The following PTPRN2 variants were observed in gnomAD, a reference collection of about 807,000 sequenced individuals.
The protein encoded by PTPRN2 is receptor-type tyrosine-protein phosphatase N2.
A neutral mutation model predicts 118.8 loss-of-function variants in PTPRN2; 74 were observed. The ratio of observed to expected loss-of-function variants is 0.62; its 90% CI spans 0.52 to 0.76. The LOEUF (loss-of-function observed/expected upper bound fraction) is 0.76. Among genes scored for constraint, PTPRN2 ranks in the 30% least tolerant of loss-of-function variants. The probability of loss-of-function intolerance (pLI) is 0.00; values close to 1 mark genes in which losing one functional copy is unlikely to be tolerated. For synonymous variants in PTPRN2, 641 were observed against 608.0 expected (o/e 1.05, Z -0.80); for missense variants, 1,481 against 1,394.4 (o/e 1.06, Z -0.99).
rs113374347 is a variant in PTPRN2 at position 157,786,570 on chromosome 7, T to C, written c.1789-103633A>G. Among the ~76,000 whole-genome samples, 279 of 152,238 alleles carry C rather than the reference T, an allele frequency of 1.8e-3. 4 individuals are homozygous for C. Among genetic ancestry groups the C allele is most frequent in the African/African-American group, 6.6e-3 (273 of 41,546 alleles). On this transcript the variant is annotated intron_variant, in intron 12 of 22. Transcript: ENST00000389418. Reference sequence around the variant, plus strand: ...AGAGTGGCTGTCCCCAGGTAGTTGGTGACGGGGTGAGGACCGGGCTCGCTC... The same window carrying C: ...AGAGTGGCTGTCCCCAGGTAGTTGGCGACGGGGTGAGGACCGGGCTCGCTC...
chr7:157,876,406 A>G (rs113518896), intron 12 of PTPRN2, among the ~76,000 whole-genome samples: 2,371 of 152,278 alleles, frequency 0.016, 36 homozygotes, highest in Admixed American at 0.036. Context: ...TGGAGACAGG[A>G]TGGGTGGCTG....
At chr7:157,844,079 C>T (rs913019116) in intron 12 of PTPRN2, among the ~76,000 whole-genome samples, 2 of 151,010 alleles carry the variant, frequency 1.3e-5, no homozygotes, top group East Asian at 1.9e-4. Context: ...CCCTCCACGT[C>T]GTGGATGTGG....
chr7:158,342,900 T>C (rs62493651), intron 2 of PTPRN2, among the ~76,000 whole-genome samples: 43,171 of 151,538 alleles, frequency 0.28, 6,735 homozygotes, highest in African/African-American at 0.39. Context: ...ATTAAGTCCT[T>C]AGGGGCTTCA....
chr7:157,595,248 T>G lies in PTPRN2; in HGVS notation c.2486A>C (p.Asp829Ala), dbSNP rs1251397011. ...TTTAAAAATGTTCACCTGCCAAAAG[T>G]CAGCCACGGTGGCGGGCAGCGGTCC... ...TQGPLPATVA[D>A]FWQMVWESGC... The change falls in exon 17 of 23, where the codon GAC becomes GCC. Residue 829 changes from aspartate (D) to alanine (A), a missense_variant. Around this residue, in one of 3 missense-constraint regions of PTPRN2, gnomAD observed 362 missense variants for 384.1 expected, o/e 0.94. Transcript: ENST00000389418. 2 of 1,614,206 alleles carry G rather than the reference T, an allele frequency of 1.2e-6. No homozygotes were observed. Among genetic ancestry groups the G allele is most frequent in the Non-Finnish European group, 1.7e-6 (2 of 1,180,036 alleles).
intron 1 of PTPRN2, among the ~76,000 whole-genome samples, chr7:158,505,608 C>A (rs530802687): frequency 1.3e-5 from 2 of 152,150 alleles, no homozygotes; most frequent in Non-Finnish European, 2.9e-5. Context: ...TGTATTTCTG[C>A]CTCTGCCTTT....
At chr7:158,132,144 C>A (rs1485429698) in intron 9 of PTPRN2, among the ~76,000 whole-genome samples, 2 of 148,464 alleles carry the variant, frequency 1.3e-5, no homozygotes, top group Non-Finnish European at 3.0e-5. Context: ...CACACACGTA[C>A]ATACACAGAT....
At chr7:158,270,832 ATG>A (rs1798343820) in intron 3 of PTPRN2, among the ~76,000 whole-genome samples, 1 of 5,170 alleles carries the variant, frequency 1.9e-4, no homozygotes, top group Non-Finnish European at 3.6e-4. Context: ...CTCCACCTGG[ATG>A]ACCCCCTCAC....
chr7:158,212,393 T>C (rs1230850772), intron 3 of PTPRN2, among the ~76,000 whole-genome samples: 1 of 152,202 alleles, frequency 6.6e-6, no homozygotes, highest in African/African-American at 2.4e-5. Flanking sequence ...ACTGGATTAT[T>C]TGTAACACAA....
intron 2 of PTPRN2, among the ~76,000 whole-genome samples, chr7:158,401,570 G>A (rs1320424906): frequency 6.6e-6 from 1 of 152,260 alleles, no homozygotes; most frequent in Non-Finnish European, 1.5e-5. Flanking sequence ...TGGTTGCCAT[G>A]ACACACTGGG....
chr7:157,586,860 C>T lies in PTPRN2; in HGVS notation c.2496+8378G>A, dbSNP rs190001433. Among the ~76,000 whole-genome samples the T allele has an allele frequency of 7.1e-4, 108 of 152,338 alleles. 1 individual carries two copies. The highest frequency in any genetic ancestry group is 6.3e-3 in the Admixed American group (97 of 15,304). ...AGTAGCTGGGGGCCGTGAACCAGCT[C>T]GGGCTGAGCGGATGCCATCTTTGGA... On this transcript the variant is annotated intron_variant, in intron 17 of 22. Coordinates refer to ENST00000389418, the MANE Select transcript of PTPRN2 (RefSeq NM_002847.5).
At chr7:158,409,353 G>A (rs57215204) in intron 2 of PTPRN2, among the ~76,000 whole-genome samples, 4,661 of 152,324 alleles carry the variant, frequency 0.031, 87 homozygotes, top group Middle Eastern at 0.082. Flanking sequence ...TGGGGAGGTG[G>A]GCAGTCCTCA....
At chr7:158,042,985 G>A (rs1279643588) in intron 11 of PTPRN2, among the ~76,000 whole-genome samples, 2 of 152,160 alleles carry the variant, frequency 1.3e-5, no homozygotes, top group Non-Finnish European at 2.9e-5. Context: ...GAATCCTTCA[G>A]TGTGCAACGC....
At chr7:158,406,069 TCCCGCAG>T (rs1813399846) in intron 2 of PTPRN2, among the ~76,000 whole-genome samples, 3 of 106,588 alleles carry the variant, frequency 2.8e-5, no homozygotes, top group Non-Finnish European at 5.7e-5. Flanking sequence ...CACACTGAGA[TCCCGCAG>T]TGGCTCATCC....
chr7:158,038,851 A>T (rs1302945495), intron 11 of PTPRN2, among the ~76,000 whole-genome samples: 1 of 151,534 alleles, frequency 6.6e-6, no homozygotes, highest in Admixed American at 6.6e-5. Context: ...TAAAATAACA[A>T]AAAAAAACAC....
chr7:158,201,510 T>C (rs1585831484), intron 4 of PTPRN2, among the ~76,000 whole-genome samples: 1 of 152,336 alleles, frequency 6.6e-6, no homozygotes, highest in East Asian at 1.9e-4. Flanking sequence ...GCAAAGTCTC[T>C]TGTGGGAAAA....
In PTPRN2 at chr7:157,627,053, C is replaced by A. The variant is rs1016513267; in HGVS notation, c.2197-5544G>T. Among the ~76,000 whole-genome samples, 4 of 152,226 alleles carry A rather than the reference C, an allele frequency of 2.6e-5. No homozygotes were observed. Among genetic ancestry groups the A allele is most frequent in the Non-Finnish European group, 5.9e-5 (4 of 68,050 alleles). On this transcript the variant is annotated intron_variant, in intron 14 of 22. Transcript: ENST00000389418. The surrounding 1 kb of genome is among the most constrained non-coding windows in gnomAD (Gnocchi z 4.2). ...TCAGAGAGCTCTTCTCTACAAGTCT[C>A]CTCCACAACTCTTCTCCTTTTTTCA...
chr7:158,319,083 AATT>A (rs1395300485), intron 2 of PTPRN2, among the ~76,000 whole-genome samples: 1 of 152,236 alleles, frequency 6.6e-6, no homozygotes, highest in Non-Finnish European at 1.5e-5. Context: ...TATATTTTAA[AATT>A]ATATTAGACT....
intron 1 of PTPRN2, among the ~76,000 whole-genome samples, chr7:158,495,061 C>T (rs989080958): frequency 6.6e-6 from 1 of 152,098 alleles, no homozygotes; most frequent in African/African-American, 2.4e-5. Context: ...GCCAGCACCC[C>T]AGGAACCCCA....
chr7:158,337,093 C>T (rs1270271453), intron 2 of PTPRN2, among the ~76,000 whole-genome samples: 1 of 151,408 alleles, frequency 6.6e-6, no homozygotes, highest in South Asian at 2.1e-4. Context: ...TCACTCACAC[C>T]CACACTCTCA....
Sources: allele counts gnomAD v4.1 joint callset (sites outside exome capture counted in the v4.1 genomes callset), GRCh38; gene constraint gnomAD v4.1.1; regional missense constraint gnomAD v4.1.1; non-coding constraint Gnocchi (gnomAD v3.1); transcripts MANE v1.5; gene names NCBI Gene and HGNC (gene_info 2026-07-23, HGNC 2026-07-21).